Variants in PACRG observed in about 807,000 individuals in gnomAD.
The protein encoded by PACRG is parkin coregulated, also known as parkin coregulated gene protein.
A neutral mutation model predicts 29.7 loss-of-function variants in PACRG; 29 were observed. That is an observed-to-expected ratio of 0.98 (90% confidence interval 0.73 to 1.33). The LOEUF (loss-of-function observed/expected upper bound fraction) is 1.33. Among genes scored for constraint, PACRG ranks in the 40% most tolerant of loss-of-function variants. The pLI is 0.00. For synonymous variants in PACRG, 116 were observed against 118.7 expected (o/e 0.98, Z 0.15); for missense variants, 279 against 316.2 (o/e 0.88, Z 0.89).
At chr6:163,273,083 C>T (rs996336446) in intron 4 of PACRG, among the ~76,000 whole-genome samples, 1 of 147,908 alleles carries the variant, frequency 6.8e-6, no homozygotes, top group Non-Finnish European at 1.5e-5. Context: ...TTAGTAGAGA[C>T]GGGGTTTCAC....
At chr6:163,135,420 C>G (rs1267599363) in intron 4 of PACRG, among the ~76,000 whole-genome samples, 1 of 152,190 alleles carries the variant, frequency 6.6e-6, no homozygotes, top group East Asian at 1.9e-4. Flanking sequence ...AGCTCCTGAC[C>G]TCGTGATCCA....
chr6:163,126,788 GGTGCT>G (rs1204143109), intron 4 of PACRG, among the ~76,000 whole-genome samples: 3 of 152,226 alleles, frequency 2.0e-5, no homozygotes, highest in Non-Finnish European at 4.4e-5. Context: ...AGAAAATAAA[GGTGCT>G]GTAAATCCAC....
intron 4 of PACRG, among the ~76,000 whole-genome samples, chr6:163,141,545 A>C (rs946422961): frequency 1.3e-5 from 2 of 152,084 alleles, no homozygotes; most frequent in African/African-American, 4.8e-5. Context: ...ATCTGGAAGA[A>C]AGTTAAAAAT....
chr6:163,239,438 C>A (rs1250425452), intron 4 of PACRG, among the ~76,000 whole-genome samples: 1 of 152,114 alleles, frequency 6.6e-6, no homozygotes, highest in Non-Finnish European at 1.5e-5. Flanking sequence ...ATCTACACTT[C>A]AACACTTGAT....
At chr6:163,051,351 T>C (rs1420666544) in intron 2 of PACRG, 1 of 152,118 alleles carries the variant, frequency 6.6e-6, no homozygotes, top group East Asian at 1.9e-4. Flanking sequence ...CATTGCGAGC[T>C]CATCTATATT....
chr6:163,256,309 A>C (rs1783103495), intron 4 of PACRG, among the ~76,000 whole-genome samples: 1 of 152,216 alleles, frequency 6.6e-6, no homozygotes, highest in African/African-American at 2.4e-5. Context: ...GAGTCCCACC[A>C]CGTGCGGGGC....
At chr6:162,972,012 G>A (rs1801572583) in intron 2 of PACRG, among the ~76,000 whole-genome samples, 1 of 152,170 alleles carries the variant, frequency 6.6e-6, no homozygotes, top group Non-Finnish European at 1.5e-5. Context: ...ACTCTGTGAC[G>A]CATGTGGTCA....
At chr6:162,900,763 G>A (rs1293827835) in intron 2 of PACRG, among the ~76,000 whole-genome samples, 2 of 152,084 alleles carry the variant, frequency 1.3e-5, no homozygotes, top group Non-Finnish European at 2.9e-5. Context: ...CTGCCCCAGC[G>A]CCTTTCCTGT....
intron 4 of PACRG, among the ~76,000 whole-genome samples, chr6:163,280,652 A>G (rs1386099216): frequency 5.9e-5 from 9 of 152,122 alleles, no homozygotes; most frequent in East Asian, 1.9e-4. Context: ...CCAATTTAGT[A>G]TCTGGGGAGG....
At chr6:163,163,213 A>G (rs563689284) in intron 4 of PACRG, among the ~76,000 whole-genome samples, 9 of 152,066 alleles carry the variant, frequency 5.9e-5, no homozygotes, top group Non-Finnish European at 1.0e-4. Context: ...TGCCACACCT[A>G]CTTGCTAATT....
intron 2 of PACRG, among the ~76,000 whole-genome samples, chr6:162,965,941 A>G (rs6932216): frequency 0.16 from 23,712 of 152,174 alleles, 3,246 homozygotes; most frequent in African/African-American, 0.36. Context: ...ATGGGAGACG[A>G]AATGCATCCA....
chr6:163,128,361 T>A (rs993383537), intron 4 of PACRG, among the ~76,000 whole-genome samples: 2 of 152,184 alleles, frequency 1.3e-5, no homozygotes, highest in East Asian at 3.8e-4. Context: ...GGAAACGAAA[T>A]ACAAATACCT....
chr6:162,997,025 T>G (rs1457800327), intron 2 of PACRG, among the ~76,000 whole-genome samples: 1 of 152,180 alleles, frequency 6.6e-6, no homozygotes, highest in African/African-American at 2.4e-5. Flanking sequence ...ATTTTAATGA[T>G]TCAGTCATTT....
intron 2 of PACRG, among the ~76,000 whole-genome samples, chr6:162,837,378 A>G (rs1789324034): frequency 6.6e-6 from 1 of 152,132 alleles, no homozygotes; most frequent in African/African-American, 2.4e-5. Flanking sequence ...CAGTCCACAC[A>G]TTAAATGATA....
chr6:162,788,386 A>G (rs1254914340), intron 1 of PACRG, among the ~76,000 whole-genome samples: 1 of 150,554 alleles, frequency 6.6e-6, no homozygotes, highest in East Asian at 1.9e-4. Flanking sequence ...TTATTTGGAT[A>G]TACCACAGTT....
chr6:162,756,022 T>C (rs562079236), intron 1 of PACRG, among the ~76,000 whole-genome samples: 6 of 152,224 alleles, frequency 3.9e-5, no homozygotes, highest in Non-Finnish European at 8.8e-5. Context: ...CTTAATATTA[T>C]TTCAGTCCTC....
intron 2 of PACRG, among the ~76,000 whole-genome samples, chr6:163,008,763 T>C (rs1307805904): frequency 2.6e-5 from 4 of 151,242 alleles, no homozygotes; most frequent in Non-Finnish European, 5.9e-5. Context: ...AATGTTTGAA[T>C]TGGGTAACGT....
At position 162,738,569 on chromosome 6, in the gene PACRG, A is replaced by G. The variant is rs985435223; in HGVS notation, c.156+10178A>G. ...GTGCACTTGCTCTTGGAAGCATCTA[A>G]TGTGAGGCAAGCCCAATCTTTGTAG... On this transcript the variant is annotated intron_variant, in intron 1 of 4. Coordinates refer to ENST00000366888, the MANE Select transcript of PACRG (RefSeq NM_001080379.2). Among the ~76,000 whole-genome samples the G allele has an allele frequency of 2.0e-5, 3 of 152,160 alleles. No individual in the cohort carries two copies. The South Asian group carries it at 6.2e-4, about 32-fold the overall frequency.
chr6:162,874,221 A>G (rs1793092635), intron 2 of PACRG, among the ~76,000 whole-genome samples: 2 of 151,000 alleles, frequency 1.3e-5, no homozygotes, highest in Non-Finnish European at 2.9e-5. Context: ...GTTTTTTTGT[A>G]ACTTTACTTC....
Sources: gnomAD v4.1 joint callset for allele counts (sites outside exome capture counted in the v4.1 genomes callset) on GRCh38, gnomAD v4.1.1 for gene constraint, MANE v1.5 for transcripts, NCBI Gene and HGNC (gene_info 2026-07-23, HGNC 2026-07-21) for gene names.